SLC25A48: variants seen among roughly 807,000 people sequenced by gnomAD.
SLC25A48 encodes solute carrier family 25 member 48.
Under a neutral mutation model 32.2 loss-of-function variants are expected in SLC25A48, and 29 were observed. The ratio of observed to expected loss-of-function variants is 0.90; its 90% CI spans 0.67 to 1.23. SLC25A48 has a LOEUF of 1.23. Ranked by LOEUF, SLC25A48 falls within the 50% of genes most tolerant of loss-of-function variation. The probability of loss-of-function intolerance (pLI) is 0.00; values close to 1 mark genes in which losing one functional copy is unlikely to be tolerated. For missense variants in SLC25A48, 399 were observed against 422.7 expected (o/e 0.94, Z 0.49); for synonymous variants, 164 against 172.3 (o/e 0.95, Z 0.38).
At chr5:135,664,983 C>A (rs1483119280) in intron 3 of SLC25A48, among the ~76,000 whole-genome samples, 1 of 152,144 alleles carries the variant, frequency 6.6e-6, no homozygotes, top group Admixed American at 6.5e-5. Flanking sequence ...ACTTTAAATT[C>A]TTTAACCAAT....
At chr5:135,787,324 G>A (rs1219656644) in intron 3 of SLC25A48, among the ~76,000 whole-genome samples, 1 of 151,880 alleles carries the variant, frequency 6.6e-6, no homozygotes, top group African/African-American at 2.4e-5. Context: ...AATATTTTAG[G>A]GAGACACGAC....
intron 4 of SLC25A48, among the ~76,000 whole-genome samples, chr5:135,853,852 G>T (rs971263297): frequency 3.9e-5 from 6 of 152,126 alleles, no homozygotes; most frequent in African/African-American, 1.4e-4. Context: ...TCAGAAAAAT[G>T]ACTATCTATG....
intron 4 of SLC25A48, among the ~76,000 whole-genome samples, chr5:135,867,792 T>C (rs1761318593): frequency 6.6e-6 from 1 of 152,226 alleles, no homozygotes; most frequent in African/African-American, 2.4e-5. Context: ...TTATAATAAC[T>C]ACCTTTGATG....
chr5:135,590,117 T>C (rs112460193), intron 1 of SLC25A48, among the ~76,000 whole-genome samples: 47 of 152,316 alleles, frequency 3.1e-4, no homozygotes, highest in African/African-American at 1.1e-3. Flanking sequence ...AATAGCGATT[T>C]GGGAAGTTCT....
At chr5:135,812,334 T>A (rs193207114) in intron 3 of SLC25A48, among the ~76,000 whole-genome samples, 40 of 152,314 alleles carry the variant, frequency 2.6e-4, no homozygotes, top group Admixed American at 1.9e-3. Flanking sequence ...TATACTTTTT[T>A]AGTTATTTTT....
chr5:135,871,082 C>T (rs1011542648), intron 4 of SLC25A48, among the ~76,000 whole-genome samples: 2 of 128,032 alleles, frequency 1.6e-5, no homozygotes, highest in Non-Finnish European at 3.5e-5. Context: ...CACACACACA[C>T]ACACACACAC....
intron 3 of SLC25A48, among the ~76,000 whole-genome samples, chr5:135,779,505 T>TCTC: frequency 7.8e-6 from 1 of 128,862 alleles, no homozygotes; most frequent in Non-Finnish European, 1.9e-5. Flanking sequence ...TTACTCCCAA[T>TCTC]ATTGCAGGGG....
intron 3 of SLC25A48, among the ~76,000 whole-genome samples, chr5:135,773,143 G>C (rs531058920): frequency 1.3e-5 from 2 of 150,894 alleles, no homozygotes; most frequent in African/African-American, 4.9e-5. Flanking sequence ...TAATATCCAG[G>C]GTGGTAGAGG....
At chr5:135,694,397 T>A (rs1302593569) in intron 3 of SLC25A48, among the ~76,000 whole-genome samples, 1 of 152,116 alleles carries the variant, frequency 6.6e-6, no homozygotes, top group Non-Finnish European at 1.5e-5. Flanking sequence ...CAGCTCCCCG[T>A]TAGAAATATC....
chr5:135,874,847 T>A (rs1761930362), intron 6 of SLC25A48: 1 of 508,326 alleles, frequency 2.0e-6, no homozygotes, highest in Admixed American at 3.8e-5. Context: ...ACTATCCTGC[T>A]GGCTCTTGCT....
At chr5:135,726,685 C>T (rs1272641321) in intron 3 of SLC25A48, among the ~76,000 whole-genome samples, 2 of 152,150 alleles carry the variant, frequency 1.3e-5, no homozygotes, top group African/African-American at 2.4e-5. Context: ...CCATGGTGTG[C>T]GTGTACCACA....
chr5:135,707,848 C>T (rs900655442), intron 3 of SLC25A48, among the ~76,000 whole-genome samples: 3 of 152,224 alleles, frequency 2.0e-5, no homozygotes, highest in Non-Finnish European at 4.4e-5. Context: ...GGGAGCATGA[C>T]TGTCTTGTTG....
chr5:135,640,673 T>C (rs1398894400), intron 3 of SLC25A48, among the ~76,000 whole-genome samples: 1 of 152,064 alleles, frequency 6.6e-6, no homozygotes, highest in African/African-American at 2.4e-5. Flanking sequence ...ATCTCAGAAA[T>C]AGAAGCTTGG....
upstream of SLC25A48, among the ~76,000 whole-genome samples, chr5:135,832,431 C>T (rs569400731): frequency 2.2e-4 from 34 of 152,182 alleles, no homozygotes; most frequent in African/African-American, 6.5e-4. Flanking sequence ...CTTTGCTGCC[C>T]GAGTGTGGCA....
chr5:135,869,433 G>A (rs1761471860), intron 4 of SLC25A48, among the ~76,000 whole-genome samples: 1 of 152,178 alleles, frequency 6.6e-6, no homozygotes, highest in South Asian at 2.1e-4. Context: ...AACAGTACAG[G>A]ATTTTTGTTG....
chr5:135,703,926 C>A (rs1754451480), intron 3 of SLC25A48, among the ~76,000 whole-genome samples: 1 of 152,254 alleles, frequency 6.6e-6, no homozygotes, highest in South Asian at 2.1e-4. Flanking sequence ...CATGAGCACC[C>A]TCTTGGTTCT....
At chr5:135,607,000 C>T (rs565540252) in intron 1 of SLC25A48, among the ~76,000 whole-genome samples, 14 of 152,314 alleles carry the variant, frequency 9.2e-5, no homozygotes, top group African/African-American at 3.4e-4. Context: ...TTGACTGCTT[C>T]TGGACTCATC....
intron 4 of SLC25A48, among the ~76,000 whole-genome samples, chr5:135,866,196 C>T (rs1017812142): frequency 2.0e-5 from 3 of 152,200 alleles, no homozygotes; most frequent in Non-Finnish European, 2.9e-5. Context: ...GTCCCACCAC[C>T]CACATACCGA....
intron 3 of SLC25A48, chr5:135,649,381 G>A (rs553254620): frequency 6.6e-6 from 1 of 152,332 alleles, no homozygotes; most frequent in Non-Finnish European, 1.5e-5. Flanking sequence ...TCTTCATCAA[G>A]TGTTGACTGA....
Sources: allele counts gnomAD v4.1 joint callset (sites outside exome capture counted in the v4.1 genomes callset), GRCh38; gene constraint gnomAD v4.1.1; transcripts MANE v1.5; gene names NCBI Gene and HGNC (gene_info 2026-07-23, HGNC 2026-07-21).